PTK2B: variants seen among roughly 807,000 people sequenced by gnomAD.
The protein encoded by PTK2B is protein-tyrosine kinase 2-beta.
In PTK2B, 71 loss-of-function variants were observed where a neutral mutation model predicts 142.9. The ratio of observed to expected loss-of-function variants is 0.50; its 90% CI spans 0.41 to 0.61. The LOEUF (loss-of-function observed/expected upper bound fraction) is 0.61, where lower values mean the gene tolerates loss of function less well. Among genes scored for constraint, PTK2B ranks in the 20% least tolerant of loss-of-function variants. The pLI is 0.00. For synonymous variants in PTK2B, 519 were observed against 503.4 expected, an observed-to-expected ratio of 1.03 and a Z score of -0.42; for missense variants, 1,105 against 1,320.4, an observed-to-expected ratio of 0.84 and a Z score of 2.53.
chr8:27,343,199 CTTTG>C (rs1030990801), intron 1 of PTK2B, among the ~76,000 whole-genome samples: 29 of 152,308 alleles, frequency 1.9e-4, no homozygotes, highest in African/African-American at 6.5e-4. Context: ...ATTGATCCTT[CTTTG>C]TTTGTTTGTT....
At chr8:27,439,260 T>TAATTCTGA in intron 19 of PTK2B, 49 bp from the exon 20 acceptor site, 1 of 1,568,052 alleles carries the variant, frequency 6.4e-7, no homozygotes, top group Non-Finnish European at 8.8e-7. Flanking sequence ...TATTTCTGGA[T>TAATTCTGA]AATTCTGATC....
At chr8:27,369,531 G>T (rs779102434) in intron 1 of PTK2B, among the ~76,000 whole-genome samples, 1 of 151,768 alleles carries the variant, frequency 6.6e-6, no homozygotes, top group Middle Eastern at 3.4e-3. Context: ...TTAGCCAGGC[G>T]TGGTGGTGGG....
chr8:27,432,606 G>A (rs780003250), intron 10 of PTK2B, among the ~76,000 whole-genome samples: 4 of 152,192 alleles, frequency 2.6e-5, no homozygotes, highest in Non-Finnish European at 5.9e-5. Context: ...AGGTTTTCAG[G>A]TAGTGGAATG....
chr8:27,397,423 T>A, intron 1 of PTK2B, 125 bp from the exon 2 acceptor site: 2 of 735,334 alleles, frequency 2.7e-6, no homozygotes, highest in Admixed American at 5.2e-5. Context: ...GGGGAGCTTT[T>A]GGGAATGGGA....
At chr8:27,457,481 A>G (rs1363025990) in intron 30 of PTK2B, among the ~76,000 whole-genome samples, 1 of 152,242 alleles carries the variant, frequency 6.6e-6, no homozygotes, top group Non-Finnish European at 1.5e-5. Flanking sequence ...TTTAAGAAAT[A>G]CATTTCTAAG....
At chr8:27,420,602 T>C in intron 3 of PTK2B, 55 bp from the exon 4 acceptor site, 1 of 1,552,560 alleles carries the variant, frequency 6.4e-7, no homozygotes, top group East Asian at 2.2e-5. Flanking sequence ...GTCCTACTCC[T>C]TTCTTCAGGC....
At chr8:27,409,688 C>T (rs912600142) in intron 2 of PTK2B, among the ~76,000 whole-genome samples, 1 of 152,186 alleles carries the variant, frequency 6.6e-6, no homozygotes, top group Non-Finnish European at 1.5e-5. Flanking sequence ...TGTCCTCAAC[C>T]TCAGAGTGAC....
chr8:27,414,608 G>GTGTGTGTGTGTGTGTT (rs140323992), intron 2 of PTK2B, among the ~76,000 whole-genome samples: 14 of 148,982 alleles, frequency 9.4e-5, no homozygotes, highest in South Asian at 2.2e-4. Flanking sequence ...CTCTCTCTCT[G>GTGTGTGTGTGTGTGTT]TGTGTGTGTG....
intron 2 of PTK2B, among the ~76,000 whole-genome samples, chr8:27,409,351 G>T (rs1042943670): frequency 2.6e-5 from 4 of 152,106 alleles, no homozygotes; most frequent in Non-Finnish European, 4.4e-5. Context: ...GTGCTCTCTG[G>T]GCCTTAAAGC....
At chr8:27,445,665 C>A in intron 23 of PTK2B, 129 bp from the exon 24 acceptor site, 1 of 1,360,234 alleles carries the variant, frequency 7.4e-7, no homozygotes, top group South Asian at 1.3e-5. Flanking sequence ...TCTTTATTAA[C>A]TCCTGGAGAG....
intron 2 of PTK2B, among the ~76,000 whole-genome samples, chr8:27,415,832 ATACAATATATATG>A (rs1211226575): frequency 6.6e-6 from 1 of 152,232 alleles, no homozygotes; most frequent in Non-Finnish European, 1.5e-5. Context: ...CAAAAGACCT[ATACAATATATATG>A]TTGAAAATGA....
At chr8:27,389,667 C>T (rs75181923) in intron 1 of PTK2B, among the ~76,000 whole-genome samples, 29 of 152,306 alleles carry the variant, frequency 1.9e-4, no homozygotes, top group African/African-American at 6.0e-4. Context: ...TCAACAAATG[C>T]GTTTTGTATT....
intron 1 of PTK2B, among the ~76,000 whole-genome samples, chr8:27,364,199 C>T (rs940870527): frequency 5.3e-5 from 8 of 152,248 alleles, no homozygotes; most frequent in Admixed American, 1.3e-4. Context: ...CTCTGTGCCA[C>T]TGACTGCCAC....
chr8:27,411,958 A>AT (rs1387235780), intron 2 of PTK2B, among the ~76,000 whole-genome samples: 2 of 152,216 alleles, frequency 1.3e-5, no homozygotes, highest in African/African-American at 4.8e-5. Flanking sequence ...GGAAAGTGCT[A>AT]TCCTTACAGT....
chr8:27,353,093 A>G (rs1805192406), intron 1 of PTK2B, among the ~76,000 whole-genome samples: 1 of 152,250 alleles, frequency 6.6e-6, no homozygotes, highest in Non-Finnish European at 1.5e-5. Context: ...CCACATTTTC[A>G]CGGGACTGCT....
At chr8:27,450,623 T>C (rs1192553141) in intron 24 of PTK2B, 126 bp from the exon 25 acceptor site, 24 of 1,201,520 alleles carry the variant, frequency 2.0e-5, no homozygotes, top group Non-Finnish European at 2.7e-5. Flanking sequence ...AACAAACTTA[T>C]GAGAAAAAAG....
upstream of PTK2B, chr8:27,310,722 G>A (rs745530278): frequency 7.6e-6 from 11 of 1,453,360 alleles, no homozygotes; most frequent in East Asian, 2.4e-5. Flanking sequence ...TGGCAGGCAG[G>A]AGGGGCGGGA....
intron 1 of PTK2B, among the ~76,000 whole-genome samples, chr8:27,351,146 A>G (rs540447895): frequency 1.3e-4 from 19 of 147,348 alleles, no homozygotes; most frequent in Non-Finnish European, 2.5e-4. Context: ...CCAGGTAGCA[A>G]TGAGCTATAA....
intron 13 of PTK2B, 135 bp downstream of exon 13, chr8:27,434,694 G>T: frequency 1.9e-6 from 2 of 1,031,536 alleles, no homozygotes; most frequent in Non-Finnish European, 2.8e-6. Context: ...ACTTCTCAGT[G>T]ATGGCTTTAA....
Sources: allele counts gnomAD v4.1 joint callset (sites outside exome capture counted in the v4.1 genomes callset), GRCh38; gene constraint gnomAD v4.1.1; transcripts MANE v1.5; gene names NCBI Gene and HGNC (gene_info 2026-07-23, HGNC 2026-07-21).